ATL2: variants seen among roughly 807,000 people sequenced by gnomAD.
The protein encoded by ATL2 is atlastin GTPase 2, also known as atlastin-2.
A neutral mutation model predicts 73.9 loss-of-function variants in ATL2; 31 were observed. That is an observed-to-expected ratio of 0.42 (90% CI 0.32 to 0.57). The LOEUF (loss-of-function observed/expected upper bound fraction) is 0.57. Among genes scored for constraint, ATL2 ranks in the 20% least tolerant of loss-of-function variants. The pLI, the probability that ATL2 is intolerant of heterozygous loss-of-function variation, is 0.14. For synonymous variants in ATL2, 291 were observed against 237.5 expected (o/e 1.23, Z -2.07); for missense variants, 738 against 702.6 (o/e 1.05, Z -0.57).
chr2:38,369,131 G>C (rs1041664486), intron 1 of ATL2, among the ~76,000 whole-genome samples: 15 of 152,110 alleles, frequency 9.9e-5, no homozygotes, highest in African/African-American at 3.6e-4. Flanking sequence ...AAACCTTTCT[G>C]AATGGATCTA....
At chr2:38,311,116 CAAAACAAAAAAA>C (rs1667735403) in intron 7 of ATL2, among the ~76,000 whole-genome samples, 2 of 142,658 alleles carry the variant, frequency 1.4e-5, no homozygotes, top group Admixed American at 1.3e-4. Flanking sequence ...CAAAACAGAA[CAAAACAAAAAAA>C]AAAGTATAAA....
intron 1 of ATL2, among the ~76,000 whole-genome samples, chr2:38,362,927 T>A (rs575482915): frequency 1.3e-5 from 2 of 152,304 alleles, no homozygotes; most frequent in South Asian, 4.1e-4. Context: ...GACATGGACA[T>A]CTGGAGGAAA....
intron 2 of ATL2, among the ~76,000 whole-genome samples, chr2:38,319,635 C>G (rs1169466365): frequency 6.7e-6 from 1 of 149,132 alleles, no homozygotes; most frequent in Non-Finnish European, 1.5e-5. Context: ...GAGAGAGAGA[C>G]AGAGAAATAT....
chr2:38,310,091 C>T (rs1475111652), intron 8 of ATL2, among the ~76,000 whole-genome samples: 1 of 152,136 alleles, frequency 6.6e-6, no homozygotes, highest in Non-Finnish European at 1.5e-5. Flanking sequence ...TGCTGAGCAA[C>T]AGACATTATA....
intron 8 of ATL2, among the ~76,000 whole-genome samples, chr2:38,310,015 C>T (rs911384966): frequency 2.0e-5 from 3 of 152,064 alleles, no homozygotes; most frequent in Non-Finnish European, 4.4e-5. Context: ...AATGATAAAG[C>T]CTTTTAGCAG....
chr2:38,349,892 G>A (rs570531568), intron 1 of ATL2, among the ~76,000 whole-genome samples: 21 of 152,134 alleles, frequency 1.4e-4, no homozygotes, highest in African/African-American at 4.8e-4. Flanking sequence ...GATTTCAAAA[G>A]TATAATGGAG....
At chr2:38,297,520 G>A in intron 12 of ATL2, among the ~76,000 whole-genome samples, 1 of 152,216 alleles carries the variant, frequency 6.6e-6, no homozygotes, top group Middle Eastern at 3.2e-3. Context: ...AGAGTTCACA[G>A]CCTGGGGCTT....
Position 38,318,473 on chromosome 2 carries a change from GA to G in ATL2, c.603+61del, listed in dbSNP as rs11312375. 28,324 of 1,114,296 alleles carry G rather than the reference GA, an allele frequency of 0.025. 3,430 individuals carry two copies. In the African/African-American group the frequency reaches 0.34, roughly 13 times the overall value. The allele number at this position is 1,114,296 out of a possible 1,614,324, so 69.0% of individuals were successfully genotyped here. ...AAGAGTGAAACTCTGTCTCAAAAAA[GA>G]AAAAAAAAAGGGGCCAAATGATTAC... On this transcript the variant is annotated intron_variant, in intron 4 of 12. Transcript: ENST00000378954.
rs767150388 is a variant in ATL2, at chr2:38,377,190, C to T, written c.71G>A (p.Ser24Asn). ...HQGLWRRRRT[S>N]DPSAAVNHVS... is the part of the protein sequence containing the mutation. ...GTGGTTAACCGCGGCGCTTGGGTCG[C>T]TGGTCCGTCGCCGGCGCCACAGCCC... Residue 24 changes from serine (S) to asparagine (N), a missense_variant, in exon 1 of 13, where the codon AGC becomes AAC. Transcript: ENST00000378954. The T allele has an allele frequency of 6.8e-6, 11 of 1,610,742 alleles. No homozygotes were observed. Among genetic ancestry groups the T allele is most frequent in the Admixed American group, 1.7e-5 (1 of 59,878 alleles).
At chr2:38,310,813 T>C (rs1369068706) in intron 7 of ATL2, among the ~76,000 whole-genome samples, 1 of 151,882 alleles carries the variant, frequency 6.6e-6, no homozygotes, top group Non-Finnish European at 1.5e-5. Flanking sequence ...AATTTTGTAT[T>C]TTTAGTAGAG....
intron 12 of ATL2, chr2:38,296,498 G>C (rs1299324654): frequency 1.2e-6 from 2 of 1,613,028 alleles, no homozygotes; most frequent in South Asian, 1.1e-5. Flanking sequence ...TTTTCTTCTT[G>C]TTATTGTTGG....
At chr2:38,364,939 G>A (rs1391288737) in intron 1 of ATL2, among the ~76,000 whole-genome samples, 1 of 152,088 alleles carries the variant, frequency 6.6e-6, no homozygotes, top group East Asian at 1.9e-4. Context: ...AGCTACTAGG[G>A]AGGCTGAGGC....
intron 1 of ATL2, among the ~76,000 whole-genome samples, chr2:38,355,083 CAG>C (rs35679311): frequency 0.24 from 37,206 of 151,980 alleles, 4,588 homozygotes; most frequent in South Asian, 0.35. Context: ...AATAAAAACG[CAG>C]AGACTGCCAG....
intron 1 of ATL2, among the ~76,000 whole-genome samples, chr2:38,373,810 C>T (rs1233423442): frequency 1.3e-5 from 2 of 152,188 alleles, no homozygotes; most frequent in Non-Finnish European, 2.9e-5. Context: ...ACTTCCTTTA[C>T]TAATTGTTCT....
At chr2:38,324,517 G>A (rs1050776319) in intron 2 of ATL2, among the ~76,000 whole-genome samples, 1 of 152,152 alleles carries the variant, frequency 6.6e-6, no homozygotes, top group Admixed American at 6.5e-5. Flanking sequence ...GCAAGTCCTG[G>A]AACAAATTAT....
At chr2:38,311,290 G>C (rs1373391272) in intron 7 of ATL2, among the ~76,000 whole-genome samples, 6 of 152,044 alleles carry the variant, frequency 3.9e-5, no homozygotes, top group African/African-American at 1.4e-4. Context: ...CCAGAATTTT[G>C]AGAAGGGAAA....
chr2:38,328,971 A>G (rs1243685243), intron 2 of ATL2, among the ~76,000 whole-genome samples: 1 of 152,008 alleles, frequency 6.6e-6, no homozygotes, highest in Non-Finnish European at 1.5e-5. Flanking sequence ...CAGAAATCAA[A>G]GAAGAATCTT....
At chr2:38,300,702 G>A (rs1004241288) in intron 9 of ATL2, among the ~76,000 whole-genome samples, 1 of 151,990 alleles carries the variant, frequency 6.6e-6, no homozygotes, top group Non-Finnish European at 1.5e-5. Context: ...TGAGGCTGGA[G>A]TGCAGTGGGA....
intron 4 of ATL2, chr2:38,318,246 G>C (rs923154902): frequency 8.5e-5 from 20 of 234,128 alleles, no homozygotes; most frequent in African/African-American, 4.3e-4. Flanking sequence ...GGGAGGCCGA[G>C]GTGGGCGGGT....
Sources: allele counts gnomAD v4.1 joint callset (sites outside exome capture counted in the v4.1 genomes callset), GRCh38; gene constraint gnomAD v4.1.1; transcripts MANE v1.5; gene names NCBI Gene and HGNC (gene_info 2026-07-23, HGNC 2026-07-21).